DNLZ: variants seen among roughly 807,000 people sequenced by gnomAD.
DNLZ encodes DNL-type zinc finger.
A neutral mutation model predicts 7.8 loss-of-function variants in DNLZ; 15 were observed. That is an observed-to-expected ratio of 1.91 (90% CI 1.28 to 2.95). DNLZ has a LOEUF of 2.95. DNLZ is among the 30% of genes most tolerant of loss of function. The pLI is 0.00. For synonymous variants in DNLZ, 123 were observed against 77.8 expected, an observed-to-expected ratio of 1.58 and a Z score of -3.05; for missense variants, 255 against 167.3, an observed-to-expected ratio of 1.52 and a Z score of -2.89.
At position 136,363,133 on chromosome 9, in the gene DNLZ, CTGGG is replaced by C; in HGVS notation, c.229-9_229-6del. On this transcript the variant is annotated splice_polypyrimidine_tract_variant and splice_region_variant and intron_variant, in intron 1 of 2. Transcript: ENST00000371738. ...GGAGGACCTAGTCCCGCAGACCTGG[CTGGG>C]ACAGGGTAGCTGGTGAGGCTGTGAG... 1 of 1,612,960 alleles carries C rather than the reference CTGGG, an allele frequency of 6.2e-7. No homozygotes were observed. The highest frequency in any genetic ancestry group is 2.2e-5 in the East Asian group (1 of 44,880).
Position 136,361,959 on chromosome 9 carries a change from C to T in DNLZ, c.*53G>A, listed in dbSNP as rs1832986957. On this transcript the variant is annotated 3_prime_UTR_variant, in exon 3 of 3. Transcript: ENST00000371738. ...AGGCCACGTCCAGAGAGGCCCAGGG[C>T]CAAAACCTCCTTCTGGAAGGCCGAA... The T allele has an allele frequency of 8.0e-7, 1 of 1,242,450 alleles. No individual in the cohort carries two copies. Among genetic ancestry groups the T allele is most frequent in the Admixed American group, 4.1e-5 (1 of 24,368 alleles). The allele number at this position is 1,242,450 out of a possible 1,614,324, so 77.0% of individuals were successfully genotyped here.
Position 136,361,787 on chromosome 9 carries a change from G to C in DNLZ, c.*225C>G, listed in dbSNP as rs1832984487. 2.5e-6 allele frequency: 1 copy of C among 394,278 alleles called. No homozygotes were observed. Among genetic ancestry groups the C allele is most frequent in the Non-Finnish European group, 4.5e-6 (1 of 224,366 alleles). The allele number at this position is 394,278 out of a possible 1,614,324, so 24.4% of individuals were successfully genotyped here. On this transcript the variant is annotated 3_prime_UTR_variant, in exon 3 of 3. Coordinates refer to ENST00000371738, the MANE Select transcript of DNLZ (RefSeq NM_001080849.3). ...TGGGTGACTCTGTGTAGAAGGAACT[G>C]TGGTGAGGCGAGAGGTCCTGCGGCT...
At chr9:136,363,253 T>A (rs1317993183) in intron 1 of DNLZ, 125 bp from the exon 2 acceptor site, 4 of 1,125,028 alleles carry the variant, frequency 3.6e-6, no homozygotes, top group Non-Finnish European at 5.0e-6. Flanking sequence ...CCCCGAGGGA[T>A]AGCTCCACCC....
At position 136,361,936 on chromosome 9, in the gene DNLZ, GC is replaced by G. The variant is rs1425083296; in HGVS notation, c.*75del. The G allele has an allele frequency of 1.2e-5, 13 of 1,099,586 alleles. No individual in the cohort carries two copies. Among genetic ancestry groups the G allele is most frequent in the Non-Finnish European group, 1.3e-5 (11 of 858,996 alleles). The allele number at this position is 1,099,586 out of a possible 1,614,324, so 68.1% of individuals were successfully genotyped here. On this transcript the variant is annotated 3_prime_UTR_variant, in exon 3 of 3. Transcript: ENST00000371738. ...ATGTCTGTTTATTGATAGAAAACAG[GC>G]CACGTCCAGAGAGGCCCAGGGCCAA... is the stretch of plus-strand genomic sequence containing the variant.
Position 136,363,062 on chromosome 9 carries a change from T to G in DNLZ, c.295A>C (p.Thr99Pro). 6.2e-7 allele frequency: 1 copy of G among 1,613,660 alleles called. No individual in the cohort carries two copies. Among genetic ancestry groups the G allele is most frequent in the Non-Finnish European group, 8.5e-7 (1 of 1,179,972 alleles). Residue 99 changes from threonine (T) to proline (P), a missense_variant, in exon 2 of 3, where the codon ACC becomes CCC. Physicochemically the swap from Thr to Pro is conservative, Grantham distance 38. Coordinates refer to ENST00000371738, the MANE Select transcript of DNLZ (RefSeq NM_001080849.3). ...TGGTGGTTCTGGCAGCCGGGGCAGGTCACAATGACCACGCCTTGGTGATAG... is the reference window on the plus strand; with the variant it reads ...TGGTGGTTCTGGCAGCCGGGGCAGGGCACAATGACCACGCCTTGGTGATAG... ...LAYHQGVVIV[T>P]CPGCQNHHII...
chr9:136,362,251 G>A (rs773093888), intron 2 of DNLZ, 71 bp from the exon 3 acceptor site: 29 of 1,335,660 alleles, frequency 2.2e-5, no homozygotes, highest in Middle Eastern at 2.8e-4. Flanking sequence ...CCCTCAGGGC[G>A]CCCCATGGCC....
At chr9:136,363,312 C>G (rs1201201377) in intron 1 of DNLZ, 175 bp downstream of exon 1, 1 of 697,252 alleles carries the variant, frequency 1.4e-6, no homozygotes, top group African/African-American at 1.7e-5. Context: ...AGGGACGGCT[C>G]CACCCCTCCT....
At chr9:136,362,401 T>C (rs1012863764) in intron 2 of DNLZ, among the ~76,000 whole-genome samples, 6 of 152,228 alleles carry the variant, frequency 3.9e-5, no homozygotes, top group Non-Finnish European at 8.8e-5. Context: ...CTCCTGCTCC[T>C]GCCCCCTATG....
rs1477233472 is a variant in DNLZ at position 136,363,061 on chromosome 9, G to A, written c.296C>T (p.Thr99Ile). ...ATGGTGGTTCTGGCAGCCGGGGCAG[G>A]TCACAATGACCACGCCTTGGTGATA... ...LAYHQGVVIV[T>I]CPGCQNHHII... The change falls in exon 2 of 3, where the codon ACC (threonine) becomes ATC (isoleucine). Residue 99 changes from threonine to isoleucine, a missense_variant. Transcript: ENST00000371738. The A allele has an allele frequency of 3.1e-6, 5 of 1,613,644 alleles. No individual in the cohort carries two copies. The highest frequency in any genetic ancestry group is 1.3e-5 in the African/African-American group (1 of 74,936).
rs1273075390 is a variant in DNLZ, at chr9:136,360,491, CAGG to C, written c.*1518_*1520del. On this transcript the variant is annotated 3_prime_UTR_variant, in exon 3 of 3. Coordinates refer to ENST00000371738, the MANE Select transcript of DNLZ (RefSeq NM_001080849.3). ...CCTGGGGCGGGGGGGTGTAGAGTGG[CAGG>C]AGATTAGGATGGCAAAGCCCCTTGC... The C allele has an allele frequency of 6.6e-6, 1 of 151,480 alleles. No individual in the cohort carries two copies. The highest frequency in any genetic ancestry group is 1.5e-5 in the Non-Finnish European group (1 of 67,918). 9.4% of individuals were successfully genotyped at this position (151,480 alleles called of 1,614,324 possible).
At chr9:136,363,458 T>C (rs1564364716) in intron 1 of DNLZ, 29 bp downstream of exon 1, 2 of 761,762 alleles carry the variant, frequency 2.6e-6, no homozygotes, top group Non-Finnish European at 4.8e-6. Context: ...TACGGGTCTG[T>C]CCCCGGTTCC....
Position 136,362,040 on chromosome 9 carries a change from G to T in DNLZ, c.509C>A (p.Pro170His). 1 of 1,376,600 alleles carries T rather than the reference G, an allele frequency of 7.3e-7. No homozygotes were observed. The highest frequency in any genetic ancestry group is 9.5e-7 in the Non-Finnish European group (1 of 1,055,282). The allele number at this position is 1,376,600 out of a possible 1,614,324, so 85.3% of individuals were successfully genotyped here. The change falls in exon 3 of 3, where the codon CCC becomes CAC. Residue 170 changes from proline to histidine, a missense_variant. Transcript: ENST00000371738. Reference protein sequence around the residue: ...APEAGEDEGPPSPGKTEPS With the variant: ...APEAGEDEGPHSPGKTEPS ...GCTCGGCTCCGTCTTGCCAGGGCTG[G>T]GGGGACCCTCATCCTCACCCGCTTC... is the stretch of plus-strand genomic sequence containing the variant.
Position 136,360,773 on chromosome 9 carries a change from G to A in DNLZ, c.*1239C>T, listed in dbSNP as rs1292355164. Reference sequence around the variant, plus strand: ...CCAGCCGCCATCTCCCCATCCGTAAGAGGAGGGGTTGGCCCAAGCGGCTCT... The same window carrying A: ...CCAGCCGCCATCTCCCCATCCGTAAAAGGAGGGGTTGGCCCAAGCGGCTCT... On this transcript the variant is annotated 3_prime_UTR_variant, in exon 3 of 3. Transcript: ENST00000371738. 1.3e-5 allele frequency: 2 copies of A among 152,250 alleles called. No individual in the cohort carries two copies. Among genetic ancestry groups the A allele is most frequent in the African/African-American group, 4.8e-5 (2 of 41,442 alleles). 9.4% of individuals were successfully genotyped at this position (152,250 alleles called of 1,614,324 possible). A position where few individuals can be genotyped will look rare whatever the true frequency, so the allele number is the denominator to read the frequency against.
intron 1 of DNLZ, 89 bp downstream of exon 1, chr9:136,363,398 T>A: frequency 1.3e-6 from 1 of 754,596 alleles, no homozygotes; most frequent in East Asian, 2.4e-5. Flanking sequence ...CCACGCCGCC[T>A]CCCGGATCCC....
chr9:136,363,633 C>A lies in DNLZ; in HGVS notation c.82G>T (p.Gly28Cys). ...PRAPCLRRLW[G>C]RGARPEVAGR... The stretch of plus-strand genomic sequence containing the variant: ...GCGACCTCTGGACGGGCCCCGCGGC[C>A]CCACAGCCGCCTCAGGCAGGGCGCC... Residue 28 changes from glycine to cysteine, a missense_variant, in exon 1 of 3, where the codon GGC (glycine) becomes TGC (cysteine). Transcript: ENST00000371738. The A allele has an allele frequency of 2.2e-6, 1 of 447,284 alleles. No homozygotes were observed. The highest frequency in any genetic ancestry group is 3.9e-5 in the South Asian group (1 of 25,382). 27.7% of individuals were successfully genotyped at this position (447,284 alleles called of 1,614,324 possible).
chr9:136,359,516 G>A lies in DNLZ; in HGVS notation c.*2496C>T, dbSNP rs1317632492. Reference sequence around the variant, plus strand: ...ATGTGCGTATTTATTGCTCACGTCTGTGCCATGTTGTCAATGGGTCCTTTC... The same window carrying A: ...ATGTGCGTATTTATTGCTCACGTCTATGCCATGTTGTCAATGGGTCCTTTC... On this transcript the variant is annotated 3_prime_UTR_variant, in exon 3 of 3. Coordinates refer to ENST00000371738, the MANE Select transcript of DNLZ (RefSeq NM_001080849.3). 6.6e-6 allele frequency: 1 copy of A among 152,348 alleles called. No homozygotes were observed. Among genetic ancestry groups the A allele is most frequent in the African/African-American group, 2.4e-5 (1 of 41,442 alleles). The allele number at this position is 152,348 out of a possible 1,614,324, so 9.4% of individuals were successfully genotyped here. A position where few individuals can be genotyped will look rare whatever the true frequency, so the allele number is the denominator to read the frequency against.
intron 2 of DNLZ, 111 bp from the exon 3 acceptor site, chr9:136,362,291 A>C: frequency 1.0e-6 from 1 of 993,696 alleles, no homozygotes; most frequent in South Asian, 3.1e-5. Flanking sequence ...CAGGCCCAGC[A>C]CTCCTGTGGC....
At position 136,363,633 on chromosome 9, in the gene DNLZ, C is replaced by T; in HGVS notation, c.82G>A (p.Gly28Ser). 2.2e-6 allele frequency: 1 copy of T among 447,284 alleles called. No homozygotes were observed. 27.7% of individuals were successfully genotyped at this position (447,284 alleles called of 1,614,324 possible). A position where few individuals can be genotyped will look rare whatever the true frequency, so the allele number is the denominator to read the frequency against. The change falls in exon 1 of 3, where the codon GGC becomes AGC. Residue 28 changes from glycine (G) to serine (S), a missense_variant. By Grantham distance (56) the Gly-to-Ser change is moderately conservative (BLOSUM62 0). Coordinates refer to ENST00000371738, the MANE Select transcript of DNLZ (RefSeq NM_001080849.3). ...PRAPCLRRLWGRGARPEVAGR... is the reference protein window; with the variant it reads ...PRAPCLRRLWSRGARPEVAGR... ...GCGACCTCTGGACGGGCCCCGCGGC[C>T]CCACAGCCGCCTCAGGCAGGGCGCC...
chr9:136,362,119 C>G lies in DNLZ; in HGVS notation c.430G>C (p.Ala144Pro), dbSNP rs757805122. 2 of 1,496,978 alleles carry G rather than the reference C, an allele frequency of 1.3e-6. No homozygotes were observed. Among genetic ancestry groups the G allele is most frequent in the Admixed American group, 2.5e-5 (1 of 39,242 alleles). The allele number at this position is 1,496,978 out of a possible 1,614,324, so 92.7% of individuals were successfully genotyped here. Residue 144 changes from alanine (A) to proline (P), a missense_variant, in exon 3 of 3, where the codon GCC becomes CCC. Coordinates refer to ENST00000371738, the MANE Select transcript of DNLZ (RefSeq NM_001080849.3). ...GCAGCCTCCAGAACCAGTTCCAGGG[C>G]CCCCTCGCCCGCCACACGGTGCACC... is the stretch of plus-strand genomic sequence containing the variant. Reference protein sequence around the residue: ...EQVHRVAGEGALELVLEAAGA... With the variant: ...EQVHRVAGEGPLELVLEAAGA...
Sources: gnomAD v4.1 joint callset for allele counts (sites outside exome capture counted in the v4.1 genomes callset) on GRCh38, gnomAD v4.1.1 for gene constraint, MANE v1.5 for transcripts, NCBI Gene and HGNC (gene_info 2026-07-23, HGNC 2026-07-21) for gene names.